LRBA: variants seen among roughly 807,000 people sequenced by gnomAD.
LRBA encodes the protein lipopolysaccharide-responsive and beige-like anchor protein.
Under a neutral mutation model 330.0 loss-of-function variants are expected in LRBA, and 176 were observed. The ratio of observed to expected loss-of-function variants is 0.53; its 90% CI spans 0.47 to 0.60. The LOEUF (loss-of-function observed/expected upper bound fraction) is 0.60. Among genes scored for constraint, LRBA ranks in the 20% least tolerant of loss-of-function variants. LRBA has a pLI of 0.00. For synonymous variants in LRBA, 1,230 were observed against 1,193.0 expected (o/e 1.03, Z -0.64); for missense variants, 3,259 against 3,444.8 (o/e 0.95, Z 1.35).
chr4:150,609,683 G>A (rs1775032223), intron 37 of LRBA, among the ~76,000 whole-genome samples: 1 of 152,156 alleles, frequency 6.6e-6, no homozygotes, highest in Non-Finnish European at 1.5e-5. Context: ...AAACACTTAT[G>A]CTTTGGTGGC....
At chr4:150,518,851 G>A (rs1762630408) in intron 40 of LRBA, among the ~76,000 whole-genome samples, 1 of 152,004 alleles carries the variant, frequency 6.6e-6, no homozygotes, top group African/African-American at 2.4e-5. Context: ...GATCTCCATA[G>A]GCCTAATGTA....
intron 38 of LRBA, 59 bp downstream of exon 38, chr4:150,598,948 C>T (rs1773808136): frequency 6.4e-7 from 1 of 1,573,636 alleles, no homozygotes; most frequent in African/African-American, 1.4e-5. Context: ...TGAAGTTATG[C>T]TCTTCATTAC....
At chr4:150,543,708 A>T (rs535725286) in intron 40 of LRBA, among the ~76,000 whole-genome samples, 1 of 152,310 alleles carries the variant, frequency 6.6e-6, no homozygotes, top group South Asian at 2.1e-4. Context: ...TTTCAACAGC[A>T]GCAACACTAG....
intron 40 of LRBA, among the ~76,000 whole-genome samples, chr4:150,555,574 C>T (rs182186433): frequency 1.2e-4 from 18 of 152,116 alleles, no homozygotes; most frequent in East Asian, 9.7e-4. Flanking sequence ...CATGGTGAAA[C>T]GCCATCTCTA....
intron 41 of LRBA, among the ~76,000 whole-genome samples, chr4:150,488,483 T>A (rs1758160229): frequency 6.6e-6 from 1 of 151,634 alleles, no homozygotes; most frequent in African/African-American, 2.4e-5. Context: ...CTCATCCTAT[T>A]TCAATAATTT....
chr4:150,437,518 T>C (rs1205445363), intron 44 of LRBA, among the ~76,000 whole-genome samples: 1 of 148,292 alleles, frequency 6.7e-6, no homozygotes, highest in Non-Finnish European at 1.5e-5. Context: ...TATATATATA[T>C]ATTATAAAAT....
chr4:150,852,054 G>C lies in LRBA; in HGVS notation c.3656C>G (p.Thr1219Ser). ...ATCATTAATTAATTTGGTTTCTCTA[G>C]TGAGGTTAGTTGCTTTCTTCCCTTC... ...LEEGKKATNL[T>S]RETKLINDCH... Residue 1219 changes from threonine (T) to serine (S), a missense_variant, in exon 23 of 57, where the codon ACT becomes AGT. Transcript: ENST00000651943. 6.2e-7 allele frequency: 1 copy of C among 1,614,112 alleles called. No individual in the cohort carries two copies. Among genetic ancestry groups the C allele is most frequent in the African/African-American group, 1.3e-5 (1 of 75,044 alleles).
At chr4:150,489,498 A>ATATATAAGAATATATAATATATT (rs1210371202) in intron 41 of LRBA, among the ~76,000 whole-genome samples, 4 of 51,204 alleles carry the variant, frequency 7.8e-5, no homozygotes, top group African/African-American at 2.0e-4. Context: ...ATAATATATT[A>ATATATAAGAATATATAATATATT]TATATAAGAA....
At chr4:150,413,335 C>T (rs1277866613) in intron 47 of LRBA, among the ~76,000 whole-genome samples, 2 of 151,800 alleles carry the variant, frequency 1.3e-5, no homozygotes, top group Non-Finnish European at 2.9e-5. Flanking sequence ...CAGATGTCCA[C>T]ACCAAGACTT....
rs777829390 is a variant in LRBA at position 150,347,577 on chromosome 4, C to A, written c.7362+2415G>T. On this transcript the variant is annotated intron_variant, in intron 48 of 56. Transcript: ENST00000651943. ...AGGAGAATCACTTGAACCCAGGAGG[C>A]GGAGGTTGTAATGAGCTGAGCTTGC... Among the ~76,000 whole-genome samples the A allele has an allele frequency of 1.5e-3, 222 of 148,842 alleles. 1 individual carries two copies. The highest frequency in any genetic ancestry group is 2.4e-3 in the Non-Finnish European group (162 of 67,662).
intron 53 of LRBA, among the ~76,000 whole-genome samples, chr4:150,286,580 T>C (rs1748148517): frequency 6.6e-6 from 1 of 151,578 alleles, no homozygotes; most frequent in African/African-American, 2.4e-5. Context: ...GATATATTTC[T>C]CTGTGGTTCA....
At chr4:150,635,729 A>G (rs901002613) in intron 37 of LRBA, among the ~76,000 whole-genome samples, 1 of 152,238 alleles carries the variant, frequency 6.6e-6, no homozygotes, top group Non-Finnish European at 1.5e-5. Flanking sequence ...ACTGAAAGTC[A>G]GGAAACTAAA....
chr4:150,795,174 C>G (rs540974688), intron 34 of LRBA, among the ~76,000 whole-genome samples: 38 of 152,164 alleles, frequency 2.5e-4, no homozygotes, highest in Non-Finnish European at 4.6e-4. Context: ...AATGCAACGT[C>G]AAGTCTTTCA....
rs771408586 is a variant in LRBA at position 150,870,600 on chromosome 4, T to C, written c.2374A>G (p.Ile792Val). ...ATCACCTGAGTACCAATCTGTTCTA[T>C]AAGAATCTACAGAAGTAAAACAATG... Reference protein sequence around the residue: ...TTYNVLFEILIEQIGTQVIHK... With the variant: ...TTYNVLFEILVEQIGTQVIHK... Residue 792 changes from isoleucine to valine, a missense_variant, in exon 20 of 57, where the codon ATA becomes GTA. Ile to Val is a conservative substitution (Grantham distance 29, BLOSUM62 3). Transcript: ENST00000651943. 1.3e-5 allele frequency: 20 copies of C among 1,522,714 alleles called. 1 individual carries two copies. In the East Asian group the frequency reaches 3.8e-4, roughly 29 times the overall value. The allele number at this position is 1,522,714 out of a possible 1,614,324, so 94.3% of individuals were successfully genotyped here.
intron 37 of LRBA, among the ~76,000 whole-genome samples, chr4:150,676,477 G>A (rs1337227312): frequency 4.6e-5 from 7 of 152,060 alleles, no homozygotes; most frequent in African/African-American, 9.7e-5. Flanking sequence ...AAATAAATAC[G>A]AAAAGAAGAA....
intron 34 of LRBA, among the ~76,000 whole-genome samples, chr4:150,784,971 G>T (rs897369653): frequency 1.3e-5 from 2 of 152,104 alleles, no homozygotes; most frequent in African/African-American, 4.8e-5. Flanking sequence ...CACCTTGCCC[G>T]CTGCCTAGAC....
chr4:150,816,288 T>C (rs767242419), intron 31 of LRBA, among the ~76,000 whole-genome samples: 24 of 151,974 alleles, frequency 1.6e-4, no homozygotes, highest in Non-Finnish European at 2.9e-4. Flanking sequence ...AATCATAAGA[T>C]GAGTGTTTTG....
At chr4:150,898,733 C>G (rs1373104239) in intron 14 of LRBA, among the ~76,000 whole-genome samples, 2 of 152,022 alleles carry the variant, frequency 1.3e-5, no homozygotes, top group Non-Finnish European at 1.5e-5. Context: ...CCCAAGGTCA[C>G]TAATCAGTTA....
At chr4:150,530,722 C>T (rs560259142) in intron 40 of LRBA, among the ~76,000 whole-genome samples, 9 of 152,326 alleles carry the variant, frequency 5.9e-5, no homozygotes, top group African/African-American at 2.2e-4. Flanking sequence ...ATTCCTGTTT[C>T]AGCATCTCAA....
Sources: gnomAD v4.1 joint callset for allele counts (sites outside exome capture counted in the v4.1 genomes callset) on GRCh38, gnomAD v4.1.1 for gene constraint, MANE v1.5 for transcripts, NCBI Gene and HGNC (gene_info 2026-07-23, HGNC 2026-07-21) for gene names.